Variants in PCCB observed in about 807,000 individuals in gnomAD.
PCCB encodes propionyl-CoA carboxylase subunit beta.
A neutral mutation model predicts 60.7 loss-of-function variants in PCCB; 43 were observed. The observed-to-expected ratio is 0.71, with a 90% CI of 0.55 to 0.91. The LOEUF (loss-of-function observed/expected upper bound fraction) is 0.91, where lower values mean the gene tolerates loss of function less well. Among genes scored for constraint, PCCB ranks in the 40% least tolerant of loss-of-function variants. The probability of loss-of-function intolerance (pLI) is 0.00; values close to 1 mark genes in which losing one functional copy is unlikely to be tolerated. For synonymous variants in PCCB, 276 were observed against 255.9 expected, an observed-to-expected ratio of 1.08 and a Z score of -0.75; for missense variants, 766 against 702.8, an observed-to-expected ratio of 1.09 and a Z score of -1.02.
At chr3:136,274,823 T>C (rs900463635) in intron 5 of PCCB, among the ~76,000 whole-genome samples, 6 of 151,840 alleles carry the variant, frequency 4.0e-5, no homozygotes, top group Admixed American at 3.9e-4. Context: ...ATTTCTTCTT[T>C]CTTTTTTTTT....
At position 136,330,129 on chromosome 3, in the gene PCCB, AT is replaced by A. The variant is rs2108241923; in HGVS notation, c.*104del. 1 of 1,581,094 alleles carries A rather than the reference AT, an allele frequency of 6.3e-7. No homozygotes were observed. The highest frequency in any genetic ancestry group is 2.3e-5 in the East Asian group (1 of 43,826). On this transcript the variant is annotated 3_prime_UTR_variant, in exon 15 of 15. Transcript: ENST00000251654. ...GAAACCTGGGAATCCAAATAGTTGG[AT>A]AACTTAGAATAACTAAGTTTATTAA...
At chr3:136,329,827 C>T (rs1935474667) in intron 14 of PCCB, 78 bp from the exon 15 acceptor site, 4 of 1,537,924 alleles carry the variant, frequency 2.6e-6, no homozygotes, top group Non-Finnish European at 3.6e-6. Context: ...AGGGATGGTG[C>T]CCAGGCTGAG....
At chr3:136,279,392 A>G (rs1942414059) in intron 5 of PCCB, among the ~76,000 whole-genome samples, 1 of 152,042 alleles carries the variant, frequency 6.6e-6, no homozygotes, top group Non-Finnish European at 1.5e-5. Context: ...GGGTGGTGAT[A>G]TTTAGTTGAG....
intron 1 of PCCB, among the ~76,000 whole-genome samples, chr3:136,254,441 C>T (rs968170548): frequency 1.4e-5 from 2 of 145,062 alleles, no homozygotes; most frequent in Non-Finnish European, 1.5e-5. Flanking sequence ...AGGATGGTCT[C>T]GATCTCCTGA....
chr3:136,263,423 A>G (rs1941884563), intron 5 of PCCB, among the ~76,000 whole-genome samples: 1 of 151,304 alleles, frequency 6.6e-6, no homozygotes, highest in Non-Finnish European at 1.5e-5. Context: ...GCACCACCAC[A>G]TCCGGTGAAT....
rs1319784814 is a variant in PCCB at position 136,250,524 on chromosome 3, G to A, written c.149G>A (p.Gly50Glu). ...ENKRRTALLG[G>E]GQRRIDAQHK... ...AAGCGCCGGACCGCGCTGCTGGGAG[G>A]GGGCCAACGCCGTATTGACGCGCAG... Residue 50 changes from glycine (G) to glutamate (E), a missense_variant, in exon 1 of 15, where the codon GGG becomes GAG. Coordinates refer to ENST00000251654, the MANE Select transcript of PCCB (RefSeq NM_000532.5). 4 of 1,612,968 alleles carry A rather than the reference G, an allele frequency of 2.5e-6. No homozygotes were observed. The highest frequency in any genetic ancestry group is 2.2e-5 in the East Asian group (1 of 44,876).
chr3:136,276,976 ATTC>A (rs1942345357), intron 5 of PCCB, among the ~76,000 whole-genome samples: 1 of 152,052 alleles, frequency 6.6e-6, no homozygotes, highest in Admixed American at 6.6e-5. Context: ...GTTGATTGCT[ATTC>A]TTCTGGGTCT....
Position 136,308,234 on chromosome 3 carries a change from C to CTT in PCCB, c.966+7139_966+7140dup, listed in dbSNP as rs71157373. On this transcript the variant is annotated intron_variant, in intron 9 of 14. Coordinates refer to ENST00000251654, the MANE Select transcript of PCCB (RefSeq NM_000532.5). ...AGGTATTAACCATAATAAGGAAGGA[C>CTT]TTTTTTTTTTTTTTTTTGATATGGA... is the stretch of plus-strand genomic sequence containing the variant. Among the ~76,000 whole-genome samples, 1,086 of 130,284 alleles carry CTT rather than the reference C, an allele frequency of 8.3e-3. 26 individuals carry two copies. The highest frequency in any genetic ancestry group is 0.015 in the African/African-American group (533 of 34,628). The allele number at this position is 130,284 out of a possible 152,430, so 85.5% of individuals were successfully genotyped here.
chr3:136,308,823 T>A (rs1489170765), intron 9 of PCCB, among the ~76,000 whole-genome samples: 1 of 152,060 alleles, frequency 6.6e-6, no homozygotes, highest in Admixed American at 6.5e-5. Flanking sequence ...TAGTAAACAA[T>A]TCTTGGATGA....
At chr3:136,288,235 G>A (rs1442635882) in intron 6 of PCCB, among the ~76,000 whole-genome samples, 5 of 152,100 alleles carry the variant, frequency 3.3e-5, no homozygotes, top group Middle Eastern at 3.4e-3. Context: ...AGAAGAAAGC[G>A]TATTTTGTTG....
rs554797968 is a variant in PCCB at position 136,272,677 on chromosome 3, A to G, written c.543+10612A>G. 4.6e-5 allele frequency among the ~76,000 whole-genome samples: 7 copies of G among 152,104 alleles called. No individual in the cohort carries two copies. In the South Asian group the frequency reaches 1.0e-3, roughly 23 times the overall value. On this transcript the variant is annotated intron_variant, in intron 5 of 14. Transcript: ENST00000251654. Reference sequence around the variant, plus strand: ...GTCTTGAGTGATCTTTTGTATTTCTATGATATTGGTTATAATATTTCCAGT... The same window carrying G: ...GTCTTGAGTGATCTTTTGTATTTCTGTGATATTGGTTATAATATTTCCAGT...
chr3:136,282,832 G>C (rs1452621006), intron 5 of PCCB, among the ~76,000 whole-genome samples: 1 of 152,136 alleles, frequency 6.6e-6, no homozygotes, highest in East Asian at 1.9e-4. Context: ...TGGCAGCCTT[G>C]GTTAAGAATG....
intron 12 of PCCB, 143 bp downstream of exon 12, chr3:136,327,398 A>C: frequency 1.3e-6 from 1 of 760,698 alleles, no homozygotes; most frequent in Non-Finnish European, 2.3e-6. Context: ...TGTTGTTCCC[A>C]GCCCCGCAGA....
chr3:136,303,118 T>A lies in PCCB; in HGVS notation c.966+2007T>A, dbSNP rs1411100936. 3.3e-5 allele frequency among the ~76,000 whole-genome samples: 4 copies of A among 122,620 alleles called. 1 individual carries two copies. The highest frequency in any genetic ancestry group is 1.2e-3 in the East Asian group (2 of 1,664). 80.4% of individuals were successfully genotyped at this position (122,620 alleles called of 152,430 possible). A position where few individuals can be genotyped will look rare whatever the true frequency, so the allele number is the denominator to read the frequency against. On this transcript the variant is annotated intron_variant, in intron 9 of 14. Coordinates refer to ENST00000251654, the MANE Select transcript of PCCB (RefSeq NM_000532.5). ...ATGAATAAAATTTTATCTTTCCAGT[T>A]ATTTTACATGTCATTTCTTTCCTTG...
intron 10 of PCCB, among the ~76,000 whole-genome samples, chr3:136,317,581 A>G (rs1314422888): frequency 6.6e-6 from 1 of 152,022 alleles, no homozygotes; most frequent in Non-Finnish European, 1.5e-5. Context: ...TCCTTTTCAA[A>G]GGTTTATAGG....
rs111675085 is a variant in PCCB at position 136,326,382 on chromosome 3, G to T, written c.1091-421G>T. Reference sequence around the variant, plus strand: ...TAGGAGGCAGTATCGTCCCTACTTTGCAGGTAAGGAACCTTAGGTCAAAAG... The same window carrying T: ...TAGGAGGCAGTATCGTCCCTACTTTTCAGGTAAGGAACCTTAGGTCAAAAG... On this transcript the variant is annotated intron_variant, in intron 10 of 14. Transcript: ENST00000251654. 5.5e-3 allele frequency: 3,887 copies of T among 702,820 alleles called. 68 individuals are homozygous for T. Among genetic ancestry groups the T allele is most frequent in the East Asian group, 0.038 (1,404 of 37,276 alleles). 43.5% of individuals were successfully genotyped at this position (702,820 alleles called of 1,614,324 possible). A position where few individuals can be genotyped will look rare whatever the true frequency, so the allele number is the denominator to read the frequency against.
intron 5 of PCCB, among the ~76,000 whole-genome samples, chr3:136,276,266 G>C (rs1238470846): frequency 6.6e-6 from 1 of 152,194 alleles, no homozygotes; most frequent in Admixed American, 6.5e-5. Context: ...CCCTGGGTAG[G>C]AACCAGTTGT....
At chr3:136,265,053 G>A (rs1238729429) in intron 5 of PCCB, among the ~76,000 whole-genome samples, 1 of 151,984 alleles carries the variant, frequency 6.6e-6, no homozygotes, top group Non-Finnish European at 1.5e-5. Context: ...AATTAGGCGG[G>A]CGTGATGGCG....
At chr3:136,257,369 A>T (rs1941699953) in intron 3 of PCCB, among the ~76,000 whole-genome samples, 1 of 152,190 alleles carries the variant, frequency 6.6e-6, no homozygotes, top group African/African-American at 2.4e-5. Context: ...GCAAGAAAAC[A>T]CATTTTCCCC....
Sources: gnomAD v4.1 joint callset for allele counts (sites outside exome capture counted in the v4.1 genomes callset) on GRCh38, gnomAD v4.1.1 for gene constraint, MANE v1.5 for transcripts, NCBI Gene and HGNC (gene_info 2026-07-23, HGNC 2026-07-21) for gene names.